Variants in MTSS1 observed in about 807,000 individuals in gnomAD.
The protein encoded by MTSS1 is protein MTSS 1.
MTSS1 carries 18 observed loss-of-function variants against 79.0 expected under a neutral mutation model. The observed-to-expected ratio is 0.23, with a 90% CI of 0.16 to 0.34. The LOEUF is 0.34. Among genes scored for constraint, MTSS1 ranks in the 10% least tolerant of loss-of-function variants. The pLI, the probability that MTSS1 is intolerant of heterozygous loss-of-function variation, is 1.00. For missense variants in MTSS1, 815 were observed against 986.2 expected, an observed-to-expected ratio of 0.83 and a Z score of 2.33; for synonymous variants, 341 against 368.6, an observed-to-expected ratio of 0.93 and a Z score of 0.86.
chr8:124,656,460 C>CG (rs1820956710), intron 3 of MTSS1, among the ~76,000 whole-genome samples: 1 of 148,216 alleles, frequency 6.7e-6, no homozygotes, highest in African/African-American at 2.5e-5. Flanking sequence ...TGAGCCAGGA[C>CG]CTTTTTTTTT....
chr8:124,658,303 G>A (rs10956193), intron 3 of MTSS1, among the ~76,000 whole-genome samples: 49,983 of 151,928 alleles, frequency 0.33, 11,268 homozygotes, highest in African/African-American at 0.65. Context: ...GACTCATGAG[G>A]TCTGATGTTT....
intron 1 of MTSS1, among the ~76,000 whole-genome samples, chr8:124,712,736 C>T (rs1831351898): frequency 6.6e-6 from 1 of 152,100 alleles, no homozygotes; most frequent in Admixed American, 6.5e-5. Context: ...GCTTCCTCGC[C>T]CGCCCACCCT....
chr8:124,662,985 G>A (rs1822357707), intron 3 of MTSS1, among the ~76,000 whole-genome samples: 1 of 152,126 alleles, frequency 6.6e-6, no homozygotes, highest in South Asian at 2.1e-4. Flanking sequence ...TAACCAAGGG[G>A]CAGCTGCTCT....
intron 8 of MTSS1, 153 bp from the exon 9 acceptor site, chr8:124,565,912 G>C (rs1350714574): frequency 1.8e-6 from 1 of 555,880 alleles, no homozygotes; most frequent in Non-Finnish European, 3.2e-6. Context: ...AAATTGAAGA[G>C]CCACAGTACC....
chr8:124,650,030 CTT>C (rs747765543), intron 3 of MTSS1, among the ~76,000 whole-genome samples: 13 of 143,106 alleles, frequency 9.1e-5, no homozygotes, highest in African/African-American at 2.3e-4. Flanking sequence ...GCTGAAGAGC[CTT>C]TTTTTTTTTT....
rs897559649 is a variant in MTSS1 at position 124,663,918 on chromosome 8, C to T, written c.208+35608G>A. On this transcript the variant is annotated intron_variant, in intron 3 of 13. Coordinates refer to ENST00000518547, the MANE Select transcript of MTSS1 (RefSeq NM_014751.6). ...CAGAGAGGAGCGCAGATCACAGGGGCTCCTCAGGAGATGACACCTCAGTTC... is the reference window on the plus strand; with the variant it reads ...CAGAGAGGAGCGCAGATCACAGGGGTTCCTCAGGAGATGACACCTCAGTTC... Among the ~76,000 whole-genome samples the T allele has an allele frequency of 2.0e-5, 3 of 152,176 alleles. No individual in the cohort carries two copies. In the East Asian group the frequency reaches 5.8e-4, roughly 29 times the overall value.
At chr8:124,614,299 G>A (rs981065741) in intron 3 of MTSS1, among the ~76,000 whole-genome samples, 1 of 152,102 alleles carries the variant, frequency 6.6e-6, no homozygotes, top group Non-Finnish European at 1.5e-5. Context: ...GAGGCCAGGA[G>A]CTAACACCAG....
chr8:124,682,988 A>G (rs58442997), intron 3 of MTSS1, among the ~76,000 whole-genome samples: 5,048 of 152,234 alleles, frequency 0.033, 276 homozygotes, highest in African/African-American at 0.11. Context: ...ACAAATGGTC[A>G]TCCCAGCCCT....
intron 9 of MTSS1, among the ~76,000 whole-genome samples, chr8:124,565,372 CA>C (rs1462158433): frequency 1.3e-5 from 2 of 152,182 alleles, no homozygotes; most frequent in Non-Finnish European, 2.9e-5. Context: ...CTCTGCTAAA[CA>C]GGAAAATCAA....
At chr8:124,673,964 G>A (rs1025518046) in intron 3 of MTSS1, among the ~76,000 whole-genome samples, 1 of 152,066 alleles carries the variant, frequency 6.6e-6, no homozygotes, top group Non-Finnish European at 1.5e-5. Flanking sequence ...CTTCCTCAGA[G>A]AGCAGGAGAC....
intron 3 of MTSS1, among the ~76,000 whole-genome samples, chr8:124,676,623 C>T (rs1053917789): frequency 2.0e-5 from 3 of 152,220 alleles, no homozygotes; most frequent in African/African-American, 7.2e-5. Flanking sequence ...GTCACTGCTT[C>T]CAAGACAACT....
chr8:124,671,597 A>G (rs1340842272), intron 3 of MTSS1, among the ~76,000 whole-genome samples: 3 of 152,216 alleles, frequency 2.0e-5, no homozygotes, highest in Admixed American at 1.3e-4. Flanking sequence ...GTTCCAGGAC[A>G]TTCCTATTCC....
At chr8:124,614,419 GT>G (rs908976704) in intron 3 of MTSS1, among the ~76,000 whole-genome samples, 2 of 152,214 alleles carry the variant, frequency 1.3e-5, no homozygotes, top group Non-Finnish European at 2.9e-5. Context: ...GGATGGGTGT[GT>G]TTCTTTTCCC....
chr8:124,693,624 G>C (rs926309128), intron 3 of MTSS1, among the ~76,000 whole-genome samples: 1 of 152,178 alleles, frequency 6.6e-6, no homozygotes. Context: ...ACCAGCCTTC[G>C]ATGCCTGTCC....
intron 4 of MTSS1, among the ~76,000 whole-genome samples, chr8:124,590,738 G>C (rs1469082723): frequency 6.6e-6 from 1 of 152,208 alleles, no homozygotes; most frequent in Non-Finnish European, 1.5e-5. Context: ...GTGTGGAGTG[G>C]TCTGTGAGCT....
Position 124,557,877 on chromosome 8 carries a change from T to C in MTSS1, c.1036-2A>G. 6.6e-7 allele frequency: 1 copy of C among 1,516,056 alleles called. No homozygotes were observed. Among genetic ancestry groups the C allele is most frequent in the Non-Finnish European group, 8.9e-7 (1 of 1,129,436 alleles). 93.9% of individuals were successfully genotyped at this position (1,516,056 alleles called of 1,614,324 possible). A position where few individuals can be genotyped will look rare whatever the true frequency, so the allele number is the denominator to read the frequency against. ...ATAGTGAGAAAACCCGTTAGACAACTGGAAACAAACAAAAAAAGGGGGGGG... is the reference window on the plus strand; with the variant it reads ...ATAGTGAGAAAACCCGTTAGACAACCGGAAACAAACAAAAAAAGGGGGGGG... On this transcript the variant is annotated splice_acceptor_variant, in intron 10 of 13. Transcript: ENST00000518547. LOFTEE classifies it high-confidence loss of function.
chr8:124,639,753 C>T lies in MTSS1; in HGVS notation c.209-48518G>A, dbSNP rs778807593. Among the ~76,000 whole-genome samples, 11 of 152,170 alleles carry T rather than the reference C, an allele frequency of 7.2e-5. No homozygotes were observed. The South Asian group carries it at 8.3e-4, about 11-fold the overall frequency. On this transcript the variant is annotated intron_variant, in intron 3 of 13. Coordinates refer to ENST00000518547, the MANE Select transcript of MTSS1 (RefSeq NM_014751.6). ...TGCTGGGATTACAGGCGTGAGCCAC[C>T]GCGCCCAGCCCCAGATTTCTTTTCT... is the stretch of plus-strand genomic sequence containing the variant.
chr8:124,651,005 T>C (rs961857618), intron 3 of MTSS1, among the ~76,000 whole-genome samples: 10 of 152,018 alleles, frequency 6.6e-5, no homozygotes, highest in Non-Finnish European at 1.5e-4. Context: ...AATAACTTAA[T>C]ATATTTAAAG....
intron 3 of MTSS1, among the ~76,000 whole-genome samples, chr8:124,650,116 C>T (rs536866274): frequency 9.9e-5 from 15 of 151,974 alleles, no homozygotes; most frequent in African/African-American, 3.4e-4. Flanking sequence ...CTGCAACCTC[C>T]GCCTCCCAGA....
Sources: allele counts gnomAD v4.1 joint callset (sites outside exome capture counted in the v4.1 genomes callset), GRCh38; gene constraint gnomAD v4.1.1; transcripts MANE v1.5; gene names NCBI Gene and HGNC (gene_info 2026-07-23, HGNC 2026-07-21).